The following GPC5 variants were observed in gnomAD, a reference collection of about 807,000 sequenced individuals.
GPC5 encodes glypican 5, also known as glypican-5.
In GPC5, 47 loss-of-function variants were observed where a neutral mutation model predicts 53.9. The ratio of observed to expected loss-of-function variants is 0.87; its 90% CI spans 0.69 to 1.11. The LOEUF (loss-of-function observed/expected upper bound fraction) is 1.11, where lower values mean the gene tolerates loss of function less well. Ranked by LOEUF, GPC5 falls within the 50% of genes most tolerant of loss-of-function variation. The probability of loss-of-function intolerance (pLI) is 0.00; values close to 1 mark genes in which losing one functional copy is unlikely to be tolerated. For missense variants in GPC5, 748 were observed against 713.1 expected, an observed-to-expected ratio of 1.05 and a Z score of -0.56; for synonymous variants, 286 against 263.3, an observed-to-expected ratio of 1.09 and a Z score of -0.84.
chr13:92,037,279 A>G (rs2138817740), intron 6 of GPC5, among the ~76,000 whole-genome samples: 1 of 152,148 alleles, frequency 6.6e-6, no homozygotes, highest in African/African-American at 2.4e-5. Flanking sequence ...ATTCCTCCAA[A>G]ATACCAAGTG....
At chr13:92,286,436 G>T (rs1216046798) in intron 7 of GPC5, among the ~76,000 whole-genome samples, 1 of 152,078 alleles carries the variant, frequency 6.6e-6, no homozygotes, top group Non-Finnish European at 1.5e-5. Context: ...ACATGCCCAT[G>T]TATGTTTATT....
intron 1 of GPC5, among the ~76,000 whole-genome samples, chr13:91,434,329 T>C (rs994546513): frequency 1.3e-5 from 2 of 152,084 alleles, no homozygotes; most frequent in African/African-American, 4.8e-5. Context: ...GTTTTTATGG[T>C]TTTAGGTCTA....
chr13:92,574,613 A>G (rs1883135242), intron 7 of GPC5, among the ~76,000 whole-genome samples: 1 of 152,186 alleles, frequency 6.6e-6, no homozygotes, highest in Non-Finnish European at 1.5e-5. Context: ...TTACTGACAC[A>G]CATAACTTCT....
intron 7 of GPC5, among the ~76,000 whole-genome samples, chr13:92,374,986 T>C (rs1161890996): frequency 6.6e-6 from 1 of 152,158 alleles, no homozygotes; most frequent in Non-Finnish European, 1.5e-5. Flanking sequence ...CCTTAGAATA[T>C]TATATCCAGA....
chr13:92,712,122 A>G (rs747565285), intron 7 of GPC5, among the ~76,000 whole-genome samples: 96 of 152,088 alleles, frequency 6.3e-4, no homozygotes, highest in Non-Finnish European at 1.2e-3. Flanking sequence ...GATGAAAAAA[A>G]AATGATAAAC....
At chr13:91,940,203 T>A (rs2039912244) in intron 6 of GPC5, among the ~76,000 whole-genome samples, 1 of 152,150 alleles carries the variant, frequency 6.6e-6, no homozygotes, top group Non-Finnish European at 1.5e-5. Flanking sequence ...TGTCTGTGAG[T>A]ACCAATGTTT....
At chr13:91,662,219 G>A (rs1208725682) in intron 2 of GPC5, among the ~76,000 whole-genome samples, 1 of 152,150 alleles carries the variant, frequency 6.6e-6, no homozygotes, top group African/African-American at 2.4e-5. Context: ...CAGTAAGGTT[G>A]GCAGAAGGAA....
chr13:92,602,201 T>TTAC (rs1472462734), intron 7 of GPC5, among the ~76,000 whole-genome samples: 22 of 132,062 alleles, frequency 1.7e-4, no homozygotes, highest in African/African-American at 6.1e-4. Flanking sequence ...TATATAAATA[T>TTAC]ATATATTACA....
rs1394802041 is a variant in GPC5 at position 92,816,439 on chromosome 13, G to T, written c.1562-49843G>T. 2.6e-5 allele frequency among the ~76,000 whole-genome samples: 4 copies of T among 152,010 alleles called. No individual in the cohort carries two copies. In the East Asian group the frequency reaches 7.7e-4, roughly 29 times the overall value. On this transcript the variant is annotated intron_variant, in intron 7 of 7. Coordinates refer to ENST00000377067, the MANE Select transcript of GPC5 (RefSeq NM_004466.6). The stretch of plus-strand genomic sequence containing the variant: ...AAAAGAGGAAAACTAGCACTAAGGG[G>T]TTTTGAGATTTGTTAGTTGCCTGGT...
intron 6 of GPC5, among the ~76,000 whole-genome samples, chr13:92,086,216 C>T (rs1351889275): frequency 1.3e-5 from 2 of 152,180 alleles, no homozygotes; most frequent in Non-Finnish European, 2.9e-5. Context: ...AGATTCATGT[C>T]TTGAGACCCT....
At chr13:92,610,871 C>T (rs1191207020) in intron 7 of GPC5, among the ~76,000 whole-genome samples, 1 of 151,340 alleles carries the variant, frequency 6.6e-6, no homozygotes, top group East Asian at 1.9e-4. Flanking sequence ...TCCACCTGGT[C>T]TCTCCCATTG....
At chr13:92,558,673 G>C (rs945019800) in intron 7 of GPC5, among the ~76,000 whole-genome samples, 1 of 151,920 alleles carries the variant, frequency 6.6e-6, no homozygotes. Flanking sequence ...TGATTCTTCT[G>C]TACACTTCCT....
At chr13:91,873,425 T>C (rs1209895165) in intron 5 of GPC5, among the ~76,000 whole-genome samples, 1 of 152,144 alleles carries the variant, frequency 6.6e-6, no homozygotes, top group Non-Finnish European at 1.5e-5. Flanking sequence ...TTCCCACCTG[T>C]TGAGGGAGTA....
chr13:92,850,742 G>A (rs960339336), intron 7 of GPC5, among the ~76,000 whole-genome samples: 5 of 152,320 alleles, frequency 3.3e-5, no homozygotes, highest in African/African-American at 1.2e-4. Flanking sequence ...ACCAACAGGT[G>A]TCTGTCTCTC....
intron 5 of GPC5, among the ~76,000 whole-genome samples, chr13:91,857,862 A>G (rs1208859028): frequency 6.6e-6 from 1 of 151,586 alleles, no homozygotes; most frequent in Admixed American, 6.6e-5. Context: ...AGAATTTTCT[A>G]CATCTATTCA....
At chr13:91,848,023 G>A (rs752331828) in intron 5 of GPC5, among the ~76,000 whole-genome samples, 15 of 152,276 alleles carry the variant, frequency 9.9e-5, no homozygotes, top group East Asian at 1.9e-4. Context: ...ATGTAATAAT[G>A]TCATGTAATT....
intron 2 of GPC5, among the ~76,000 whole-genome samples, chr13:91,481,430 A>G (rs964596136): frequency 6.6e-6 from 1 of 152,128 alleles, no homozygotes; most frequent in African/African-American, 2.4e-5. Flanking sequence ...TTTCTTCAGT[A>G]TCATCCCTAT....
intron 7 of GPC5, chr13:92,241,588 G>A (rs1255356010): frequency 1.3e-5 from 2 of 152,122 alleles, no homozygotes; most frequent in African/African-American, 2.4e-5. Flanking sequence ...TTATTTCTGT[G>A]GGATTGGCTA....
chr13:91,746,545 T>C (rs1473003011), intron 4 of GPC5, among the ~76,000 whole-genome samples: 1 of 152,174 alleles, frequency 6.6e-6, no homozygotes, highest in African/African-American at 2.4e-5. Context: ...ATGTTTAAAA[T>C]GAAACAAGTT....
Sources: allele counts gnomAD v4.1 joint callset (sites outside exome capture counted in the v4.1 genomes callset), GRCh38; gene constraint gnomAD v4.1.1; transcripts MANE v1.5; gene names NCBI Gene and HGNC (gene_info 2026-07-23, HGNC 2026-07-21).